Variants in ANKRD6 observed in about 807,000 individuals in gnomAD.
The protein encoded by ANKRD6 is ankyrin repeat domain-containing protein 6.
A neutral mutation model predicts 82.3 loss-of-function variants in ANKRD6; 56 were observed. The observed-to-expected ratio is 0.68, with a 90% confidence interval of 0.55 to 0.85. The LOEUF (loss-of-function observed/expected upper bound fraction) is 0.85. ANKRD6 is among the 40% of genes least tolerant of loss of function. ANKRD6 has a pLI of 0.00. For synonymous variants in ANKRD6, 347 were observed against 352.1 expected, an observed-to-expected ratio of 0.99 and a Z score of 0.16; for missense variants, 852 against 907.6, an observed-to-expected ratio of 0.94 and a Z score of 0.79.
chr6:89,505,984 CT>C (rs2127914323), intron 1 of ANKRD6, among the ~76,000 whole-genome samples: 1 of 152,176 alleles, frequency 6.6e-6, no homozygotes, highest in African/African-American at 2.4e-5. Context: ...TGTGATTCCA[CT>C]TATATGTGGA....
intron 2 of ANKRD6, among the ~76,000 whole-genome samples, chr6:89,575,754 T>A (rs901659613): frequency 6.6e-6 from 1 of 152,176 alleles, no homozygotes; most frequent in South Asian, 2.1e-4. Flanking sequence ...AAGTGACTTG[T>A]TCAAATAGGG....
At chr6:89,618,905 C>T (rs1177350985) in intron 9 of ANKRD6, among the ~76,000 whole-genome samples, 1 of 152,134 alleles carries the variant, frequency 6.6e-6, no homozygotes, top group Non-Finnish European at 1.5e-5. Flanking sequence ...TTCTGTATTA[C>T]ATTACAGCAA....
At chr6:89,533,812 C>T (rs1381286532) in intron 1 of ANKRD6, among the ~76,000 whole-genome samples, 2 of 148,596 alleles carry the variant, frequency 1.3e-5, no homozygotes, top group Non-Finnish European at 3.0e-5. Flanking sequence ...TGAGAGCAAC[C>T]CTCTCTGCCT....
intron 1 of ANKRD6, among the ~76,000 whole-genome samples, chr6:89,468,211 A>G (rs1389913605): frequency 6.6e-6 from 1 of 152,190 alleles, no homozygotes; most frequent in Non-Finnish European, 1.5e-5. Flanking sequence ...ATTTTACCTA[A>G]TAAATGATAA....
intron 1 of ANKRD6, among the ~76,000 whole-genome samples, chr6:89,555,966 T>C (rs1184438252): frequency 6.6e-6 from 1 of 152,150 alleles, no homozygotes; most frequent in East Asian, 1.9e-4. Context: ...GGCTTTTACA[T>C]GCAAATTCAG....
At chr6:89,532,338 C>T (rs2127991692) in intron 1 of ANKRD6, among the ~76,000 whole-genome samples, 1 of 152,288 alleles carries the variant, frequency 6.6e-6, no homozygotes, top group East Asian at 1.9e-4. Flanking sequence ...TAATATGTTA[C>T]ATTAATTCTG....
chr6:89,493,388 C>G lies in ANKRD6; in HGVS notation c.-144+60013C>G, dbSNP rs112384115. Among the ~76,000 whole-genome samples the G allele has an allele frequency of 7.2e-3, 1,090 of 151,884 alleles. 15 individuals are homozygous for G. Among genetic ancestry groups the G allele is most frequent in the African/African-American group, 0.026 (1,058 of 41,390 alleles). On this transcript the variant is annotated intron_variant, in intron 1 of 15. Transcript: ENST00000339746. ...GTGTGTCTCTGTGTGTCAACTCTCACTCTCTCTCTCCCTCTCCTTTTTTAA... is the reference window on the plus strand; with the variant it reads ...GTGTGTCTCTGTGTGTCAACTCTCAGTCTCTCTCTCCCTCTCCTTTTTTAA...
At chr6:89,543,978 C>T (rs928171293) in intron 1 of ANKRD6, among the ~76,000 whole-genome samples, 18 of 152,186 alleles carry the variant, frequency 1.2e-4, no homozygotes, top group East Asian at 3.9e-4. Flanking sequence ...AGCTCAATAC[C>T]GTGGCAGTGT....
intron 5 of ANKRD6, among the ~76,000 whole-genome samples, chr6:89,608,574 TTG>T (rs1460744798): frequency 6.6e-6 from 1 of 151,882 alleles, no homozygotes; most frequent in Admixed American, 6.6e-5. Flanking sequence ...TGAAACTCCT[TTG>T]TGAACGTAAT....
Position 89,631,103 on chromosome 6 carries a change from G to T in ANKRD6, c.*99G>T. On this transcript the variant is annotated 3_prime_UTR_variant, in exon 16 of 16. Coordinates refer to ENST00000339746, the MANE Select transcript of ANKRD6 (RefSeq NM_001242809.2). The stretch of plus-strand genomic sequence containing the variant: ...GGAGTCAACTATTGTATATATTGCA[G>T]ATTTGCCTTTTTAAAAAAATCACTA... The T allele has an allele frequency of 7.1e-7, 1 of 1,407,114 alleles. No homozygotes were observed. The highest frequency in any genetic ancestry group is 9.2e-7 in the Non-Finnish European group (1 of 1,085,188). 87.2% of individuals were successfully genotyped at this position (1,407,114 alleles called of 1,614,324 possible). A position where few individuals can be genotyped will look rare whatever the true frequency, so the allele number is the denominator to read the frequency against.
chr6:89,617,817 GGCC>G, intron 8 of ANKRD6, 134 bp from the exon 9 acceptor site: 1 of 745,738 alleles, frequency 1.3e-6, no homozygotes, highest in Non-Finnish European at 2.3e-6. Context: ...TCACATAGGT[GGCC>G]ATGTTTTGCC....
intron 1 of ANKRD6, among the ~76,000 whole-genome samples, chr6:89,494,206 T>TGAGGA (rs1778345949): frequency 1.3e-5 from 2 of 152,110 alleles, no homozygotes; most frequent in Non-Finnish European, 1.5e-5. Context: ...CATGGGGGTC[T>TGAGGA]GTAGATGGAA....
In ANKRD6 at chr6:89,566,994, G is replaced by T. The variant is rs376964527; in HGVS notation, c.18G>T (p.Ala6=). 3.1e-6 allele frequency: 5 copies of T among 1,596,824 alleles called. No homozygotes were observed. In the South Asian group the frequency reaches 4.6e-5, roughly 15 times the overall value. MSQQD[A]VAALSERLLV... ...CCTAATTCATGAGCCAGCAAGATGC[G>T]GTCGCTGCACTTTCAGAGCGCCTTC... The change falls in exon 2 of 16, where the codon GCG becomes GCT. Residue 6 remains alanine, a synonymous_variant. Coordinates refer to ENST00000339746, the MANE Select transcript of ANKRD6 (RefSeq NM_001242809.2).
intron 1 of ANKRD6, among the ~76,000 whole-genome samples, chr6:89,488,970 A>G (rs1448115937): frequency 6.6e-6 from 1 of 151,784 alleles, no homozygotes; most frequent in East Asian, 1.9e-4. Flanking sequence ...ACTTATTTTC[A>G]TGACCCACAA....
At chr6:89,573,757 C>T (rs1195497458) in intron 2 of ANKRD6, among the ~76,000 whole-genome samples, 1 of 152,224 alleles carries the variant, frequency 6.6e-6, no homozygotes, top group Non-Finnish European at 1.5e-5. Flanking sequence ...CGCAGTGCCT[C>T]ATCTTTGAAC....
At chr6:89,443,750 G>A (rs111357143) in intron 1 of ANKRD6, among the ~76,000 whole-genome samples, 49 of 152,298 alleles carry the variant, frequency 3.2e-4, no homozygotes, top group African/African-American at 8.7e-4. Context: ...AAATTGTTTC[G>A]TAGCTCTAGA....
At chr6:89,548,568 A>G (rs1453306187) in intron 1 of ANKRD6, among the ~76,000 whole-genome samples, 1 of 152,226 alleles carries the variant, frequency 6.6e-6, no homozygotes, top group Non-Finnish European at 1.5e-5. Flanking sequence ...ACTGAGTCAT[A>G]TGGTAACTTT....
chr6:89,519,644 G>A (rs1399310535), intron 1 of ANKRD6, among the ~76,000 whole-genome samples: 1 of 152,190 alleles, frequency 6.6e-6, no homozygotes, highest in Non-Finnish European at 1.5e-5. Flanking sequence ...TTGGAGGAGA[G>A]ATTTGAAATA....
intron 1 of ANKRD6, among the ~76,000 whole-genome samples, chr6:89,467,285 TTTATA>T (rs1479549477): frequency 6.6e-6 from 1 of 152,226 alleles, no homozygotes; most frequent in Non-Finnish European, 1.5e-5. Flanking sequence ...TCAGTGGATA[TTTATA>T]TTATAGTATA....
Sources: allele counts gnomAD v4.1 joint callset (sites outside exome capture counted in the v4.1 genomes callset), GRCh38; gene constraint gnomAD v4.1.1; transcripts MANE v1.5; gene names NCBI Gene and HGNC (gene_info 2026-07-23, HGNC 2026-07-21).